Variants in RNF4 observed in about 807,000 individuals in gnomAD.
RNF4 encodes the protein ring finger protein 4, also known as E3 ubiquitin-protein ligase RNF4.
RNF4 carries 7 observed loss-of-function variants against 24.3 expected under a neutral mutation model. The ratio of observed to expected loss-of-function variants is 0.29; its 90% CI spans 0.16 to 0.54. The LOEUF is 0.54. Among genes scored for constraint, RNF4 ranks in the 20% least tolerant of loss-of-function variants. The pLI, the probability that RNF4 is intolerant of heterozygous loss-of-function variation, is 0.95. For synonymous variants in RNF4, 83 were observed against 84.3 expected, an observed-to-expected ratio of 0.98 and a Z score of 0.09; for missense variants, 209 against 248.5, an observed-to-expected ratio of 0.84 and a Z score of 1.07.
At chr4:2,486,694 A>G (rs1464261383) in intron 1 of RNF4, among the ~76,000 whole-genome samples, 1 of 152,188 alleles carries the variant, frequency 6.6e-6, no homozygotes, top group African/African-American at 2.4e-5. Flanking sequence ...CACAAGGCAC[A>G]TCTTCAGCAG....
chr4:2,484,472 G>A (rs937372439), intron 1 of RNF4, among the ~76,000 whole-genome samples: 2 of 151,838 alleles, frequency 1.3e-5, no homozygotes, highest in Non-Finnish European at 2.9e-5. Flanking sequence ...ATGCATACAC[G>A]GACAGTCCCT....
chr4:2,478,039 A>C (rs1228352883), intron 1 of RNF4, among the ~76,000 whole-genome samples: 3 of 152,134 alleles, frequency 2.0e-5, no homozygotes, highest in African/African-American at 7.2e-5. Flanking sequence ...TCTCAGATGG[A>C]GATGAGGAAC....
chr4:2,502,240 T>C (rs190479993), intron 4 of RNF4, among the ~76,000 whole-genome samples: 1 of 152,340 alleles, frequency 6.6e-6, no homozygotes, highest in East Asian at 1.9e-4. Flanking sequence ...GAATACTCAG[T>C]GTTCACCACA....
At chr4:2,483,140 G>T (rs1735293333) in intron 1 of RNF4, among the ~76,000 whole-genome samples, 1 of 152,136 alleles carries the variant, frequency 6.6e-6, no homozygotes, top group Admixed American at 6.5e-5. Flanking sequence ...TGCTCCATGG[G>T]TAGTTTTTTG....
intron 1 of RNF4, among the ~76,000 whole-genome samples, chr4:2,471,512 TCTTA>T (rs1471193955): frequency 6.6e-6 from 1 of 152,210 alleles, no homozygotes; most frequent in African/African-American, 2.4e-5. Flanking sequence ...GTTGAATCTC[TCTTA>T]CTTTAAGTGA....
At chr4:2,510,476 G>A (rs1736241080) in intron 4 of RNF4, among the ~76,000 whole-genome samples, 1 of 152,246 alleles carries the variant, frequency 6.6e-6, no homozygotes, top group Admixed American at 6.5e-5. Flanking sequence ...AGACATAGCA[G>A]CCTCTGCCAG....
At chr4:2,481,788 G>T (rs1735252706) in intron 1 of RNF4, among the ~76,000 whole-genome samples, 1 of 152,096 alleles carries the variant, frequency 6.6e-6, no homozygotes, top group African/African-American at 2.4e-5. Flanking sequence ...GCTCACTGCA[G>T]CTTCAACCTC....
At chr4:2,477,839 C>T (rs1735127737) in intron 1 of RNF4, among the ~76,000 whole-genome samples, 1 of 152,126 alleles carries the variant, frequency 6.6e-6, no homozygotes, top group South Asian at 2.1e-4. Flanking sequence ...GAGTGCGATG[C>T]TGCTGAAAAG....
intron 1 of RNF4, among the ~76,000 whole-genome samples, chr4:2,481,748 C>G (rs1735251736): frequency 6.6e-6 from 1 of 152,108 alleles, no homozygotes; most frequent in African/African-American, 2.4e-5. Flanking sequence ...CGCTCTATCA[C>G]CGAGGCAGGA....
At chr4:2,481,091 A>C (rs1272212494) in intron 1 of RNF4, 1 of 152,222 alleles carries the variant, frequency 6.6e-6, no homozygotes, top group Middle Eastern at 3.2e-3. Flanking sequence ...TATGTGAGCC[A>C]CATTTGTGTC....
Position 2,512,961 on chromosome 4 carries a change from C to G in RNF4, c.375-122C>G. Reference sequence around the variant, plus strand: ...CCTGAAAGTCTCTCGGATGCCCGCGCTAAGGCAGAGTCAGGAGGCCAGGGA... The same window carrying G: ...CCTGAAAGTCTCTCGGATGCCCGCGGTAAGGCAGAGTCAGGAGGCCAGGGA... On this transcript the variant is annotated intron_variant, in intron 6 of 7. Coordinates refer to ENST00000314289, the MANE Select transcript of RNF4 (RefSeq NM_002938.5). This position sits in a 1 kb window ranked among gnomAD's most constrained non-coding sequence, Gnocchi z 4.1. The G allele has an allele frequency of 1.0e-6, 1 of 972,544 alleles. No homozygotes were observed. Among genetic ancestry groups the G allele is most frequent in the Non-Finnish European group, 1.6e-6 (1 of 614,562 alleles). 60.2% of individuals were successfully genotyped at this position (972,544 alleles called of 1,614,324 possible). A position where few individuals can be genotyped will look rare whatever the true frequency, so the allele number is the denominator to read the frequency against.
chr4:2,512,262 A>G lies in RNF4; in HGVS notation c.215-176A>G, dbSNP rs1322379130. 3.9e-6 allele frequency: 3 copies of G among 770,334 alleles called. No homozygotes were observed. The highest frequency in any genetic ancestry group is 3.4e-5 in the South Asian group (2 of 58,360). The allele number at this position is 770,334 out of a possible 1,614,324, so 47.7% of individuals were successfully genotyped here. The stretch of plus-strand genomic sequence containing the variant: ...GGGGGGTTTCTCCTGGGAAGATAAG[A>G]TAGTGGCCTCCAGAGCTGGGCAGAA... On this transcript the variant is annotated intron_variant, in intron 5 of 7. Coordinates refer to ENST00000314289, the MANE Select transcript of RNF4 (RefSeq NM_002938.5). The surrounding 1 kb of genome is among the most constrained non-coding windows in gnomAD (Gnocchi z 4.1).
At chr4:2,476,272 G>A (rs1038535064) in intron 1 of RNF4, among the ~76,000 whole-genome samples, 3 of 152,162 alleles carry the variant, frequency 2.0e-5, no homozygotes, top group Non-Finnish European at 4.4e-5. Flanking sequence ...TCCCTTGTAA[G>A]TACCTTCTTG....
intron 1 of RNF4, among the ~76,000 whole-genome samples, chr4:2,483,925 C>G (rs556490047): frequency 1.6e-4 from 24 of 151,376 alleles, no homozygotes; most frequent in Non-Finnish European, 2.8e-4. Context: ...CTCTTGGGTT[C>G]GAGCGATTCT....
intron 4 of RNF4, chr4:2,505,314 T>C (rs927899690): frequency 1.2e-4 from 18 of 151,804 alleles, no homozygotes; most frequent in African/African-American, 4.3e-4. Context: ...TTCAAGTTAT[T>C]TGTCTGCATC....
At chr4:2,513,600 G>A in intron 7 of RNF4, 70 bp from the exon 8 acceptor site, 1 of 1,584,964 alleles carries the variant, frequency 6.3e-7, no homozygotes, top group Non-Finnish European at 8.6e-7. Flanking sequence ...AGGTGGGTGG[G>A]ATTCTCTGGC....
At chr4:2,477,391 T>C (rs1419388694) in intron 1 of RNF4, among the ~76,000 whole-genome samples, 1 of 151,722 alleles carries the variant, frequency 6.6e-6, no homozygotes, top group Non-Finnish European at 1.5e-5. Flanking sequence ...TCAAGATGAG[T>C]GTGGCCAACA....
At chr4:2,481,772 G>A (rs1455553006) in intron 1 of RNF4, among the ~76,000 whole-genome samples, 1 of 152,036 alleles carries the variant, frequency 6.6e-6, no homozygotes, top group Non-Finnish European at 1.5e-5. Flanking sequence ...CAGTGGCATG[G>A]TCAGGGCTCA....
chr4:2,501,430 A>G (rs932337275), intron 4 of RNF4, among the ~76,000 whole-genome samples: 1 of 152,218 alleles, frequency 6.6e-6, no homozygotes, highest in African/African-American at 2.4e-5. Context: ...GCTGGAGCCC[A>G]GGAGGCTGCC....
Sources: allele counts gnomAD v4.1 joint callset (sites outside exome capture counted in the v4.1 genomes callset), GRCh38; gene constraint gnomAD v4.1.1; non-coding constraint Gnocchi (gnomAD v3.1); transcripts MANE v1.5; gene names NCBI Gene and HGNC (gene_info 2026-07-23, HGNC 2026-07-21).